Variants in ARHGEF38 observed in about 807,000 individuals in gnomAD.
ARHGEF38 encodes the protein Rho guanine nucleotide exchange factor (GEF) 38.
In ARHGEF38, 79 loss-of-function variants were observed where a neutral mutation model predicts 79.9. That is an observed-to-expected ratio of 0.99 (90% CI 0.82 to 1.19). The LOEUF is 1.19. Ranked by LOEUF, ARHGEF38 falls within the 50% of genes most tolerant of loss-of-function variation. The pLI, the probability that ARHGEF38 is intolerant of heterozygous loss-of-function variation, is 0.00. For synonymous variants in ARHGEF38, 366 were observed against 328.3 expected (o/e 1.11, Z -1.24); for missense variants, 962 against 907.2 (o/e 1.06, Z -0.78).
intron 10 of ARHGEF38, among the ~76,000 whole-genome samples, chr4:105,663,972 A>G: frequency 1.1e-5 from 1 of 88,354 alleles, no homozygotes. Context: ...CTCCGTCTCA[A>G]AAAAAAAAAA....
At chr4:105,638,307 G>A (rs994083833) in intron 5 of ARHGEF38, among the ~76,000 whole-genome samples, 2 of 151,936 alleles carry the variant, frequency 1.3e-5, no homozygotes, top group Non-Finnish European at 2.9e-5. Context: ...ATAACCTCAC[G>A]CAAACATCAG....
intron 1 of ARHGEF38, among the ~76,000 whole-genome samples, chr4:105,571,334 T>C (rs1197556309): frequency 6.8e-6 from 1 of 146,358 alleles, no homozygotes; most frequent in Non-Finnish European, 1.5e-5. Context: ...TTTTTTTTTT[T>C]TTTTTTGAGA....
intron 2 of ARHGEF38, among the ~76,000 whole-genome samples, chr4:105,609,968 C>T (rs1426220256): frequency 1.3e-5 from 2 of 152,078 alleles, no homozygotes; most frequent in Non-Finnish European, 2.9e-5. Flanking sequence ...AAATGCCCAT[C>T]CATGATAGAC....
chr4:105,647,595 T>C (rs2110544277), intron 6 of ARHGEF38, among the ~76,000 whole-genome samples: 1 of 152,344 alleles, frequency 6.6e-6, no homozygotes, highest in East Asian at 1.9e-4. Flanking sequence ...TAATAGACTA[T>C]GAATATTTTC....
chr4:105,658,159 C>T (rs1341756738), intron 9 of ARHGEF38, among the ~76,000 whole-genome samples: 1 of 152,070 alleles, frequency 6.6e-6, no homozygotes, highest in Non-Finnish European at 1.5e-5. Flanking sequence ...GTATTTAAAA[C>T]AGAATGTGTA....
intron 1 of ARHGEF38, among the ~76,000 whole-genome samples, chr4:105,585,123 T>G (rs1053004210): frequency 4.6e-5 from 7 of 152,236 alleles, no homozygotes; most frequent in African/African-American, 1.7e-4. Context: ...GATAATTGTT[T>G]GCTCTAGATG....
At chr4:105,634,279 T>C (rs777552875) in intron 4 of ARHGEF38, among the ~76,000 whole-genome samples, 1 of 152,192 alleles carries the variant, frequency 6.6e-6, no homozygotes, top group Non-Finnish European at 1.5e-5. Context: ...AGATACAATC[T>C]AAGCAGTAAC....
intron 2 of ARHGEF38, among the ~76,000 whole-genome samples, chr4:105,598,434 A>T (rs1165408106): frequency 3.9e-5 from 6 of 152,232 alleles, no homozygotes; most frequent in Non-Finnish European, 8.8e-5. Flanking sequence ...AATTCCTGCC[A>T]AGTATAATTA....
chr4:105,645,986 G>A (rs1342656547), intron 6 of ARHGEF38, among the ~76,000 whole-genome samples: 1 of 152,190 alleles, frequency 6.6e-6, no homozygotes, highest in Non-Finnish European at 1.5e-5. Context: ...TAATTACATG[G>A]TTCCTATACA....
chr4:105,587,874 A>G (rs1727133030), intron 1 of ARHGEF38, among the ~76,000 whole-genome samples: 1 of 152,208 alleles, frequency 6.6e-6, no homozygotes, highest in Non-Finnish European at 1.5e-5. Flanking sequence ...TTGGTAGGCG[A>G]TAAATGGTTC....
chr4:105,646,497 G>T (rs886858862), intron 6 of ARHGEF38, among the ~76,000 whole-genome samples: 1 of 152,114 alleles, frequency 6.6e-6, no homozygotes, highest in African/African-American at 2.4e-5. Flanking sequence ...TAATGAATAC[G>T]CTAAATGTTG....
In ARHGEF38 at chr4:105,649,368, G is replaced by T. The variant is rs1303683461; in HGVS notation, c.1008+686G>T. Among the ~76,000 whole-genome samples, 2 of 152,246 alleles carry T rather than the reference G, an allele frequency of 1.3e-5. 1 individual carries two copies. Among genetic ancestry groups the T allele is most frequent in the South Asian group, 4.1e-4 (2 of 4,822 alleles). ...AAAGCTTGCTGAAAGACAGATTCTA[G>T]GGTTCCACTTGCCTCAAGGGTACAA... On this transcript the variant is annotated intron_variant, in intron 7 of 13. Coordinates refer to ENST00000420470, the MANE Select transcript of ARHGEF38 (RefSeq NM_001242729.2).
intron 6 of ARHGEF38, among the ~76,000 whole-genome samples, chr4:105,646,597 G>A (rs1028208573): frequency 3.9e-5 from 6 of 152,108 alleles, no homozygotes; most frequent in African/African-American, 1.2e-4. Flanking sequence ...TGCACAGACC[G>A]GAGACTCAGA....
chr4:105,602,837 A>G (rs1727884101), intron 2 of ARHGEF38, among the ~76,000 whole-genome samples: 1 of 152,148 alleles, frequency 6.6e-6, no homozygotes. Flanking sequence ...AAAAGAGACA[A>G]GTGAGAAATT....
At chr4:105,677,656 AC>A in intron 13 of ARHGEF38, 95 bp from the exon 14 acceptor site, 2 of 1,175,844 alleles carry the variant, frequency 1.7e-6, no homozygotes, top group Non-Finnish European at 2.2e-6. Flanking sequence ...AAACAAAAAA[AC>A]TTTAGCATTG....
intron 10 of ARHGEF38, among the ~76,000 whole-genome samples, chr4:105,661,474 T>TTTTTTATTA (rs1491231014): frequency 1.2e-4 from 17 of 141,794 alleles, no homozygotes; most frequent in African/African-American, 3.6e-4. Flanking sequence ...TCCACACCTC[T>TTTTTTATTA]TTATTATTAT....
intron 9 of ARHGEF38, among the ~76,000 whole-genome samples, chr4:105,656,475 T>C (rs1010963858): frequency 1.3e-5 from 2 of 152,174 alleles, no homozygotes; most frequent in Admixed American, 1.3e-4. Context: ...CGGTAAAACA[T>C]TTATTTTGTA....
chr4:105,608,876 A>T (rs945256836), intron 2 of ARHGEF38, among the ~76,000 whole-genome samples: 3 of 151,938 alleles, frequency 2.0e-5, no homozygotes, highest in African/African-American at 7.2e-5. Context: ...TTTCTTACTG[A>T]GTAGAGCTCC....
Position 105,561,444 on chromosome 4 carries a change from A to AGAATGGAATAGAATGGAATGGAATG in ARHGEF38, c.196+8497_196+8498insGGAATGGAATGGAATGGAATAGAAT. On this transcript the variant is annotated intron_variant, in intron 1 of 13. Transcript: ENST00000420470. ...AGAATGGAATAGAATAGAATAGAAT[A>AGAATGGAATAGAATGGAATGGAATG]GAATGGAATAGAATAGAATAGAATA... The AGAATGGAATAGAATGGAATGGAATG allele has an allele frequency of 4.6e-5, 2 of 43,014 alleles. 1 individual carries two copies. The highest frequency in any genetic ancestry group is 2.1e-4 in the African/African-American group (2 of 9,362). 2.7% of individuals were successfully genotyped at this position (43,014 alleles called of 1,614,324 possible). A position where few individuals can be genotyped will look rare whatever the true frequency, so the allele number is the denominator to read the frequency against.
Sources: allele counts gnomAD v4.1 joint callset (sites outside exome capture counted in the v4.1 genomes callset), GRCh38; gene constraint gnomAD v4.1.1; transcripts MANE v1.5; gene names NCBI Gene and HGNC (gene_info 2026-07-23, HGNC 2026-07-21).